RIMS1: variants seen among roughly 807,000 people sequenced by gnomAD.
RIMS1 encodes the protein regulating synaptic membrane exocytosis protein 1.
Under a neutral mutation model 214.1 loss-of-function variants are expected in RIMS1, and 83 were observed. The observed-to-expected ratio is 0.39, with a 90% CI of 0.32 to 0.47. The LOEUF (loss-of-function observed/expected upper bound fraction) is 0.47. RIMS1 is among the 20% of genes least tolerant of loss of function. RIMS1 has a pLI of 0.99. For synonymous variants in RIMS1, 793 were observed against 786.8 expected, an observed-to-expected ratio of 1.01 and a Z score of -0.13; for missense variants, 2,050 against 2,161.8, an observed-to-expected ratio of 0.95 and a Z score of 1.03.
At chr6:72,391,762 G>A (rs1473721926) in intron 30 of RIMS1, among the ~76,000 whole-genome samples, 1 of 152,130 alleles carries the variant, frequency 6.6e-6, no homozygotes, top group African/African-American at 2.4e-5. Context: ...CAGCAGGTAT[G>A]AAAGTTACAG....
At chr6:72,046,533 A>G (rs1033217720) in intron 2 of RIMS1, among the ~76,000 whole-genome samples, 2 of 152,108 alleles carry the variant, frequency 1.3e-5, no homozygotes, top group Admixed American at 1.3e-4. Flanking sequence ...GGAAAGGTAT[A>G]TTTGCAAACA....
chr6:72,124,056 T>G (rs1270990362), intron 4 of RIMS1, among the ~76,000 whole-genome samples: 1 of 151,838 alleles, frequency 6.6e-6, no homozygotes, highest in African/African-American at 2.4e-5. Context: ...TGATGCAGTT[T>G]CTTCCTAGCA....
intron 1 of RIMS1, among the ~76,000 whole-genome samples, chr6:71,891,208 A>G (rs571733482): frequency 1.3e-5 from 2 of 152,316 alleles, no homozygotes; most frequent in African/African-American, 4.8e-5. Context: ...TTAAGTTTGT[A>G]TCCGAGTGTT....
intron 19 of RIMS1, chr6:72,263,440 C>G (rs1001592584): frequency 3.1e-6 from 3 of 973,754 alleles, no homozygotes; most frequent in Admixed American, 6.2e-5. Flanking sequence ...GAGACTTAAT[C>G]GAATTACCCA....
At chr6:72,235,560 A>G (rs1254148966) in intron 7 of RIMS1, 58 bp from the exon 8 acceptor site, 12 of 1,062,570 alleles carry the variant, frequency 1.1e-5, no homozygotes, top group Non-Finnish European at 1.7e-5. Context: ...TTCTTTTTAT[A>G]GCTGAATGCA....
intron 4 of RIMS1, among the ~76,000 whole-genome samples, chr6:72,173,144 A>AT: frequency 6.6e-6 from 1 of 152,312 alleles, no homozygotes; most frequent in East Asian, 1.9e-4. Context: ...CCTGAAGACT[A>AT]TTGATAGTAT....
intron 3 of RIMS1, among the ~76,000 whole-genome samples, chr6:72,097,375 A>G (rs2032088182): frequency 6.6e-6 from 1 of 152,214 alleles, no homozygotes; most frequent in South Asian, 2.1e-4. Flanking sequence ...TTTGTTTCTT[A>G]ATACATGATT....
chr6:72,031,922 C>A (rs1248487428), intron 2 of RIMS1, among the ~76,000 whole-genome samples: 1 of 152,050 alleles, frequency 6.6e-6, no homozygotes, highest in Non-Finnish European at 1.5e-5. Flanking sequence ...AAATAATAAG[C>A]ATACATAAAA....
At chr6:71,924,586 G>A (rs971957698) in intron 1 of RIMS1, among the ~76,000 whole-genome samples, 1 of 143,938 alleles carries the variant, frequency 6.9e-6, no homozygotes, top group Non-Finnish European at 1.5e-5. Context: ...TTAAGTCCAG[G>A]AATTTGAGAC....
chr6:72,098,289 CT>C (rs58934201), intron 3 of RIMS1, among the ~76,000 whole-genome samples: 40,206 of 143,226 alleles, frequency 0.28, 5,533 homozygotes, highest in Admixed American at 0.34. Context: ...ATCAATATAT[CT>C]TTTTTTTTTT....
chr6:72,003,145 G>C (rs1194366516), intron 2 of RIMS1, among the ~76,000 whole-genome samples: 1 of 152,120 alleles, frequency 6.6e-6, no homozygotes, highest in Non-Finnish European at 1.5e-5. Flanking sequence ...GGTGATTATG[G>C]GGGTGACTGT....
chr6:72,097,199 T>A (rs1279157824), intron 3 of RIMS1, 37 bp downstream of exon 3: 2 of 1,575,922 alleles, frequency 1.3e-6, no homozygotes, highest in Non-Finnish European at 1.7e-6. Context: ...GTTGTGAATG[T>A]GGATAAAAAC....
chr6:71,952,356 T>C (rs1789881435), intron 1 of RIMS1, among the ~76,000 whole-genome samples: 1 of 152,218 alleles, frequency 6.6e-6, no homozygotes. Context: ...AAATATATAT[T>C]GAGCACCTAT....
chr6:72,186,760 G>A (rs945152171), intron 6 of RIMS1, among the ~76,000 whole-genome samples: 2 of 142,222 alleles, frequency 1.4e-5, no homozygotes, highest in Admixed American at 7.4e-5. Flanking sequence ...TTCTATGTCC[G>A]AACTGCATGT....
chr6:72,122,520 T>A (rs2038615605), intron 4 of RIMS1, among the ~76,000 whole-genome samples: 1 of 151,886 alleles, frequency 6.6e-6, no homozygotes, highest in Non-Finnish European at 1.5e-5. Context: ...TCCCTCTTTT[T>A]CTATTTATTG....
chr6:72,172,092 T>A (rs965638811), intron 4 of RIMS1, among the ~76,000 whole-genome samples: 3 of 152,074 alleles, frequency 2.0e-5, no homozygotes, highest in Non-Finnish European at 4.4e-5. Context: ...TCAATTAAAT[T>A]GGTAAGAAAT....
In RIMS1 at chr6:71,886,598, C is replaced by CGCCCCAGCCCCAGCCCCA. The variant is rs1301608037; in HGVS notation, c.-419_-418insCCCCAGCCCCAGCCCCAG. The CGCCCCAGCCCCAGCCCCA allele has an allele frequency of 6.0e-5, 9 of 150,496 alleles. 1 individual carries two copies. The highest frequency in any genetic ancestry group is 2.2e-4 in the African/African-American group (9 of 41,236). The allele number at this position is 150,496 out of a possible 1,614,324, so 9.3% of individuals were successfully genotyped here. ...GAGCAGCCTCCACGGCGGCAGCGGC[C>CGCCCCAGCCCCAGCCCCA]GCCCCAGTCCCAGCCCCAGCCCCAG... On this transcript the variant is annotated 5_prime_UTR_variant, in exon 1 of 34. Transcript: ENST00000521978.
chr6:71,943,910 CT>C (rs1422663160), intron 1 of RIMS1, among the ~76,000 whole-genome samples: 7 of 152,198 alleles, frequency 4.6e-5, no homozygotes, highest in African/African-American at 1.7e-4. Flanking sequence ...AACTGATAAA[CT>C]TAAGTTATTC....
intron 4 of RIMS1, among the ~76,000 whole-genome samples, chr6:72,164,054 C>T (rs955708212): frequency 2.0e-5 from 3 of 152,036 alleles, no homozygotes; most frequent in Admixed American, 1.3e-4. Flanking sequence ...TCGAGCTTCC[C>T]GGCCACTTTG....
Sources: gnomAD v4.1 joint callset for allele counts (sites outside exome capture counted in the v4.1 genomes callset) on GRCh38, gnomAD v4.1.1 for gene constraint, MANE v1.5 for transcripts, NCBI Gene and HGNC (gene_info 2026-07-23, HGNC 2026-07-21) for gene names.